Variants in UMODL1 observed in about 807,000 individuals in gnomAD.
UMODL1 encodes uromodulin like 1.
A neutral mutation model predicts 136.3 loss-of-function variants in UMODL1; 128 were observed. That is an observed-to-expected ratio of 0.94 (90% CI 0.81 to 1.09). The LOEUF (loss-of-function observed/expected upper bound fraction) is 1.09. Ranked by LOEUF, UMODL1 falls within the 50% of genes least tolerant of loss-of-function variation. The pLI is 0.00. For synonymous variants in UMODL1, 721 were observed against 720.0 expected, an observed-to-expected ratio of 1.00 and a Z score of -0.02; for missense variants, 1,766 against 1,725.6, an observed-to-expected ratio of 1.02 and a Z score of -0.41.
At chr21:42,063,013 C>T (rs2066154435) in exon 1 of UMODL1, 1 of 152,286 alleles carries the variant, frequency 6.6e-6, no homozygotes, top group Non-Finnish European at 1.5e-5. Flanking sequence ...CTCTCCCAGG[C>T]TCTGGGGTGA....
chr21:42,126,859 C>G, intron 18 of UMODL1, 147 bp from the exon 19 acceptor site: 1 of 766,118 alleles, frequency 1.3e-6, no homozygotes, highest in Non-Finnish European at 2.2e-6. Context: ...AAATGGCCTC[C>G]AAGTGCTCTC....
At chr21:42,112,581 TCCCAGCTCTTCTGTATCTC>T (rs1003195356) in intron 12 of UMODL1, among the ~76,000 whole-genome samples, 22 of 150,272 alleles carry the variant, frequency 1.5e-4, no homozygotes, top group African/African-American at 3.4e-4. Context: ...GTTTTGTACC[TCCCAGCTCTTCTGTATCTC>T]CCCAGCTCTT....
At chr21:42,070,963 A>T (rs220274), upstream of UMODL1, among the ~76,000 whole-genome samples, 127,301 of 152,234 alleles carry the variant, frequency 0.84, 53,363 homozygotes, top group Admixed American at 0.9. Flanking sequence ...AGACTCAGAT[A>T]TGAGTCTCAA....
intron 6 of UMODL1, among the ~76,000 whole-genome samples, chr21:42,098,248 C>A (rs1294279657): frequency 3.9e-5 from 6 of 152,134 alleles, no homozygotes; most frequent in African/African-American, 1.4e-4. Flanking sequence ...ATGCTGTTCA[C>A]TGTGTAGACA....
At chr21:42,103,790 C>T (rs1457841694) in intron 8 of UMODL1, 78 bp from the exon 9 acceptor site, 31 of 1,523,208 alleles carry the variant, frequency 2.0e-5, no homozygotes, top group Non-Finnish European at 2.7e-5. Context: ...CAAGCACCAT[C>T]CATCGGTCAC....
chr21:42,141,728 G>A (rs947284558), intron 22 of UMODL1, among the ~76,000 whole-genome samples: 44 of 151,956 alleles, frequency 2.9e-4, no homozygotes, highest in South Asian at 1.0e-3. Context: ...CCACCAGGTC[G>A]ACCCTTGGGC....
chr21:42,068,467 C>T (rs1257963577), upstream of UMODL1, among the ~76,000 whole-genome samples: 1 of 152,146 alleles, frequency 6.6e-6, no homozygotes, highest in East Asian at 1.9e-4. This position sits in a 1 kb window ranked among gnomAD's most constrained non-coding sequence, Gnocchi z 5.5. Context: ...CTCAAGGTCT[C>T]TTCCAAGTCC....
intron 22 of UMODL1, among the ~76,000 whole-genome samples, chr21:42,141,736 G>C (rs978251201): frequency 2.6e-5 from 4 of 152,106 alleles, no homozygotes; most frequent in African/African-American, 9.7e-5. Context: ...TCGACCCTTG[G>C]GCAGCCCCAC....
chr21:42,139,895 C>T (rs1005223137), intron 22 of UMODL1, among the ~76,000 whole-genome samples: 16 of 152,268 alleles, frequency 1.1e-4, no homozygotes, highest in African/African-American at 3.9e-4. Context: ...CTAACACAAG[C>T]GTCCCCCTCA....
Position 42,119,241 on chromosome 21 carries a change from T to A in UMODL1, c.2606T>A (p.Val869Asp), listed in dbSNP as rs549997232. The A allele has an allele frequency of 1.9e-5, 31 of 1,614,210 alleles. No homozygotes were observed. In the East Asian group the frequency reaches 6.2e-4, roughly 32 times the overall value. ...FHLLIIADVD[V>D]QEVSAAFLTA... is the part of the protein sequence containing the mutation. The stretch of plus-strand genomic sequence containing the variant: ...TTGCTGATAATCGCAGATGTGGATG[T>A]CCAGGAGGTGTCAGCTGCATTTCTC... The change falls in exon 15 of 23, where the codon GTC (valine) becomes GAC (aspartate). Residue 869 changes from valine (V) to aspartate (D), a missense_variant. Physicochemically the swap from Val to Asp is radical, Grantham distance 152. Transcript: ENST00000408910.
In UMODL1 at chr21:42,122,114, G is replaced by A. The variant is rs1330298040; in HGVS notation, c.2828-717G>A. Among the ~76,000 whole-genome samples the A allele has an allele frequency of 6.6e-6, 1 of 152,144 alleles. No individual in the cohort carries two copies. Among genetic ancestry groups the A allele is most frequent in the African/African-American group, 2.4e-5 (1 of 41,416 alleles). ...GCTGGGTGGAGCTGCAGGGTGCTGG[G>A]GCTGGGCAAGCCCCACTCTGAGATA... On this transcript the variant is annotated intron_variant, in intron 16 of 22. Transcript: ENST00000408910. This position sits in a 1 kb window ranked among gnomAD's most constrained non-coding sequence, Gnocchi z 4.3.
rs756819992 is a variant in UMODL1 at position 42,088,382 on chromosome 21, T to C, written c.692T>C (p.Leu231Pro). The change falls in exon 5 of 23, where the codon CTA (leucine) becomes CCA (proline). Residue 231 changes from leucine to proline, a missense_variant. By Grantham distance (98) the Leu-to-Pro change is moderately conservative. Transcript: ENST00000408910. Reference sequence around the variant, plus strand: ...GCCTCCACCACAGTGTCGCGGCTGCTACTGGGCCTGCCACGGCCACTGCCT... The same window carrying C: ...GCCTCCACCACAGTGTCGCGGCTGCCACTGGGCCTGCCACGGCCACTGCCT... ...GNASTTVSRL[L>P]LGLPRPLPVA... The C allele has an allele frequency of 6.2e-7, 1 of 1,613,774 alleles. No individual in the cohort carries two copies. The highest frequency in any genetic ancestry group is 1.1e-5 in the South Asian group (1 of 91,080).
rs748819262 is a variant in UMODL1, at chr21:42,098,991, C to A, written c.997C>A (p.Arg333Ser). The A allele has an allele frequency of 1.9e-6, 3 of 1,614,072 alleles. No homozygotes were observed. The African/African-American group carries it at 4.0e-5, about 22-fold the overall frequency. ...VTSDSFQVSW[R>S]LNSTQNHTFH... ...CAGTGACAGTTTTCAAGTATCCTGG[C>A]GTTTAAATTCTACACAGAACCACAC... The change falls in exon 7 of 23, where the codon CGT (arginine) becomes AGT (serine). Residue 333 changes from arginine (R) to serine (S), a missense_variant. Physicochemically the swap from Arg to Ser is moderately radical, Grantham distance 110. Transcript: ENST00000408910.
Position 42,122,770 on chromosome 21 carries a change from C to T in UMODL1, c.2828-61C>T, listed in dbSNP as rs1176069183. On this transcript the variant is annotated intron_variant, in intron 16 of 22. Coordinates refer to ENST00000408910, the MANE Select transcript of UMODL1 (RefSeq NM_001004416.3). The surrounding 1 kb of genome is among the most constrained non-coding windows in gnomAD (Gnocchi z 4.3). ...GCTCCAGTCTGCTCCTTACCCCTGC[C>T]CCTCCATGCCAACCCCAAACACAGA... 5.3e-6 allele frequency: 8 copies of T among 1,509,268 alleles called. No individual in the cohort carries two copies. Among genetic ancestry groups the T allele is most frequent in the Non-Finnish European group, 6.2e-6 (7 of 1,126,638 alleles). The allele number at this position is 1,509,268 out of a possible 1,614,324, so 93.5% of individuals were successfully genotyped here.
chr21:42,070,924 G>A (rs1206945526), upstream of UMODL1, among the ~76,000 whole-genome samples: 1 of 152,208 alleles, frequency 6.6e-6, no homozygotes, highest in African/African-American at 2.4e-5. Flanking sequence ...CAGAACGATA[G>A]GGTAAGAGAA....
chr21:42,132,262 C>T (rs1432304442), intron 21 of UMODL1, among the ~76,000 whole-genome samples: 1 of 151,528 alleles, frequency 6.6e-6, no homozygotes, highest in African/African-American at 2.4e-5. Flanking sequence ...CATCTATCCA[C>T]CCATTCATTC....
At chr21:42,118,760 A>G (rs915191257) in intron 14 of UMODL1, among the ~76,000 whole-genome samples, 13 of 152,140 alleles carry the variant, frequency 8.5e-5, no homozygotes, top group Admixed American at 1.3e-4. Flanking sequence ...AACCAGGAGT[A>G]TTAGGTTCTA....
chr21:42,094,442 C>T (rs867853537), intron 6 of UMODL1, among the ~76,000 whole-genome samples: 7 of 152,312 alleles, frequency 4.6e-5, no homozygotes, highest in African/African-American at 1.7e-4. Flanking sequence ...GTGTTCCTAG[C>T]TGTGGTTGGG....
chr21:42,140,219 T>C (rs2067260891), intron 22 of UMODL1, among the ~76,000 whole-genome samples: 1 of 152,236 alleles, frequency 6.6e-6, no homozygotes, highest in South Asian at 2.1e-4. Flanking sequence ...CAATGTCTGT[T>C]GTTTCCCAAC....
Sources: gnomAD v4.1 joint callset for allele counts (sites outside exome capture counted in the v4.1 genomes callset) on GRCh38, gnomAD v4.1.1 for gene constraint, Gnocchi (gnomAD v3.1) non-coding constraint, MANE v1.5 for transcripts, NCBI Gene and HGNC (gene_info 2026-07-23, HGNC 2026-07-21) for gene names.